Variants in DHX9 observed in about 807,000 individuals in gnomAD.
DHX9 encodes DExH-box helicase 9, also known as ATP-dependent RNA helicase A.
In DHX9, 27 loss-of-function variants were observed where a neutral mutation model predicts 148.7. The ratio of observed to expected loss-of-function variants is 0.18; its 90% CI spans 0.13 to 0.25. The LOEUF (loss-of-function observed/expected upper bound fraction) is 0.25, where lower values mean the gene tolerates loss of function less well. DHX9 is among the 10% of genes least tolerant of loss of function. The pLI, the probability that DHX9 is intolerant of heterozygous loss-of-function variation, is 1.00. For synonymous variants in DHX9, 529 were observed against 516.6 expected (o/e 1.02, Z -0.33); for missense variants, 796 against 1,559.6 (o/e 0.51, Z 8.25).
intron 14 of DHX9, among the ~76,000 whole-genome samples, chr1:182,868,022 A>G (rs533491309): frequency 6.6e-6 from 1 of 152,266 alleles, no homozygotes; most frequent in East Asian, 1.9e-4. Context: ...CCCATCCTGA[A>G]GTTACCCAGG....
rs1182272666 is a variant in DHX9, at chr1:182,866,433, T to G, written c.1333-11T>G. The G allele has an allele frequency of 2.5e-6, 4 of 1,610,800 alleles. No individual in the cohort carries two copies. In the African/African-American group the frequency reaches 4.0e-5, roughly 16 times the overall value. Reference sequence around the variant, plus strand: ...TAGTTGTTAAGTCACTTTTCTTTTTTTCTGTCTCAGCCCAGAAGAATCAGT... The same window carrying G: ...TAGTTGTTAAGTCACTTTTCTTTTTGTCTGTCTCAGCCCAGAAGAATCAGT... On this transcript the variant is annotated splice_polypyrimidine_tract_variant and intron_variant, in intron 12 of 27. Transcript: ENST00000367549.
At chr1:182,882,945 T>C (rs923201314) in intron 24 of DHX9, among the ~76,000 whole-genome samples, 194 bp from the exon 25 acceptor site, 1 of 152,192 alleles carries the variant, frequency 6.6e-6, no homozygotes, top group African/African-American at 2.4e-5. Context: ...CGTTTTCTTA[T>C]TGTGGAAACT....
intron 24 of DHX9, among the ~76,000 whole-genome samples, chr1:182,882,882 T>C (rs1050524509): frequency 6.7e-6 from 1 of 149,022 alleles, no homozygotes; most frequent in African/African-American, 2.5e-5. Flanking sequence ...AAAAAAAAAG[T>C]AATCACCCCA....
chr1:182,874,806 C>A (rs775721011), intron 15 of DHX9, 48 bp from the exon 16 acceptor site: 1 of 1,371,768 alleles, frequency 7.3e-7, no homozygotes, highest in Non-Finnish European at 1.0e-6. Flanking sequence ...AGGTCTGCTC[C>A]ATTGTGAAAG....
intron 3 of DHX9, among the ~76,000 whole-genome samples, chr1:182,844,424 A>G (rs1242851810): frequency 6.6e-6 from 1 of 152,096 alleles, no homozygotes; most frequent in African/African-American, 2.4e-5. Context: ...TTGGGGCTCA[A>G]TCAAACTCTT....
intron 20 of DHX9, among the ~76,000 whole-genome samples, chr1:182,878,915 T>A (rs1226545661): frequency 6.6e-6 from 1 of 152,232 alleles, no homozygotes; most frequent in Non-Finnish European, 1.5e-5. Context: ...CTACAAAAAG[T>A]CTTGTTGTCG....
intron 27 of DHX9, among the ~76,000 whole-genome samples, chr1:182,885,645 A>G (rs868337280): frequency 1.3e-5 from 2 of 152,226 alleles, no homozygotes; most frequent in African/African-American, 4.8e-5. Flanking sequence ...ATCTATCTGT[A>G]AGATGGGTAG....
rs1648324261 is a variant in DHX9, at chr1:182,867,058, A to AGGT, written c.1557+16_1557+18dup. 1 of 1,440,702 alleles carries AGGT rather than the reference A, an allele frequency of 6.9e-7. No homozygotes were observed. 89.2% of individuals were successfully genotyped at this position (1,440,702 alleles called of 1,614,324 possible). ...GAGATATTAATGTAAGTAACTTGAG[A>AGGT]GGTACAGTAAGGTACTTAATTCTGC... On this transcript the variant is annotated intron_variant, in intron 14 of 27. Coordinates refer to ENST00000367549, the MANE Select transcript of DHX9 (RefSeq NM_001357.5).
chr1:182,843,431 T>C lies in DHX9; in HGVS notation c.249T>C (p.Phe83=), dbSNP rs200981009. The C allele has an allele frequency of 7.7e-5, 123 of 1,598,292 alleles. No individual in the cohort carries two copies. The African/African-American group carries it at 1.6e-3, about 21-fold the overall frequency. Residue 83 remains phenylalanine (F), a synonymous_variant, in exon 3 of 28, where the codon TTT becomes TTC. Coordinates refer to ENST00000367549, the MANE Select transcript of DHX9 (RefSeq NM_001357.5). ...TAAAGAGTGAAGAAGTTCCAGCTTTTGGGGTAAGTACCTATGGCGAAGCAC... is the reference window on the plus strand; with the variant it reads ...TAAAGAGTGAAGAAGTTCCAGCTTTCGGGGTAAGTACCTATGGCGAAGCAC... ...NEIKSEEVPA[F]GVASPPPLTD...
chr1:182,866,236 C>T (rs1422927708), intron 12 of DHX9, among the ~76,000 whole-genome samples: 2 of 152,278 alleles, frequency 1.3e-5, no homozygotes, highest in East Asian at 1.9e-4. Context: ...GCGGCAATGA[C>T]AAATTATAGA....
chr1:182,858,652 G>T lies in DHX9; in HGVS notation c.900+12G>T. The T allele has an allele frequency of 6.2e-7, 1 of 1,609,654 alleles. No homozygotes were observed. Among genetic ancestry groups the T allele is most frequent in the South Asian group, 1.1e-5 (1 of 90,892 alleles). The stretch of plus-strand genomic sequence containing the variant: ...AGATTTTGCCCCCGGTAAGCATAAA[G>T]CTGTTTAGTTCACATTTACGTAGAA... On this transcript the variant is annotated intron_variant, in intron 9 of 27. Transcript: ENST00000367549.
intron 3 of DHX9, among the ~76,000 whole-genome samples, chr1:182,851,218 CACA>C (rs1439373449): frequency 2.0e-5 from 3 of 152,074 alleles, no homozygotes; most frequent in South Asian, 4.1e-4. Context: ...GTACTAATAA[CACA>C]ACATTAGACA....
chr1:182,887,511 A>G lies in DHX9; in HGVS notation c.*77A>G. The G allele has an allele frequency of 6.0e-6, 8 of 1,333,368 alleles. No homozygotes were observed. The highest frequency in any genetic ancestry group is 6.2e-6 in the Non-Finnish European group (6 of 974,050). The allele number at this position is 1,333,368 out of a possible 1,614,324, so 82.6% of individuals were successfully genotyped here. A position where few individuals can be genotyped will look rare whatever the true frequency, so the allele number is the denominator to read the frequency against. On this transcript the variant is annotated 3_prime_UTR_variant, in exon 28 of 28. Coordinates refer to ENST00000367549, the MANE Select transcript of DHX9 (RefSeq NM_001357.5). ...CTATGTGTTACGTGTTTTTTCCAGT[A>G]TGTTTATTTGCCACCAAAAAGTAAA...
intron 3 of DHX9, among the ~76,000 whole-genome samples, chr1:182,851,629 A>G (rs990608501): frequency 1.3e-5 from 2 of 152,138 alleles, no homozygotes; most frequent in East Asian, 3.8e-4. Context: ...TCAGTTCTTC[A>G]TCCTAAAACC....
intron 22 of DHX9, among the ~76,000 whole-genome samples, chr1:182,880,912 C>T (rs968944473): frequency 5.9e-5 from 9 of 151,936 alleles, no homozygotes; most frequent in Non-Finnish European, 1.3e-4. Context: ...GTGGGAGGGT[C>T]CCTTGTTATT....
At chr1:182,854,272 T>A in intron 6 of DHX9, 94 bp downstream of exon 6, 1 of 1,162,234 alleles carries the variant, frequency 8.6e-7, no homozygotes, top group Non-Finnish European at 1.2e-6. Flanking sequence ...GTTGTCTGGT[T>A]AATTGTGTGG....
chr1:182,873,046 C>T (rs565304855), intron 15 of DHX9, among the ~76,000 whole-genome samples: 1 of 152,184 alleles, frequency 6.6e-6, no homozygotes, highest in Admixed American at 6.5e-5. Flanking sequence ...ACCTCTGGCT[C>T]CCAGGCTCAA....
In DHX9 at chr1:182,876,911, A is replaced by G; in HGVS notation, c.2198+8A>G. The G allele has an allele frequency of 6.2e-7, 1 of 1,605,228 alleles. No individual in the cohort carries two copies. Among genetic ancestry groups the G allele is most frequent in the Non-Finnish European group, 8.5e-7 (1 of 1,173,044 alleles). On this transcript the variant is annotated splice_region_variant and intron_variant, in intron 19 of 27. Transcript: ENST00000367549. ...TGTCATTGACTCCTGCAAGTAAGTT[A>G]CTGGGAAACCTATTTGTCTGCTCCA...
In DHX9 at chr1:182,854,100, C is replaced by G. The variant is rs373989821; in HGVS notation, c.548C>G (p.Ala183Gly). The G allele has an allele frequency of 4.3e-6, 7 of 1,613,496 alleles. No individual in the cohort carries two copies. Among genetic ancestry groups the G allele is most frequent in the Non-Finnish European group, 5.1e-6 (6 of 1,179,812 alleles). ...AACTGGACCTTGGAAAATGCTAAAGCTCGTCTAAACCAATATTTTCAGAAA... is the reference window on the plus strand; with the variant it reads ...AACTGGACCTTGGAAAATGCTAAAGGTCGTCTAAACCAATATTTTCAGAAA... ...HGNWTLENAK[A>G]RLNQYFQKEK... The change falls in exon 6 of 28, where the codon GCT becomes GGT. Residue 183 changes from alanine to glycine, a missense_variant. Physicochemically the swap from Ala to Gly is moderately conservative, Grantham distance 60. This residue lies in a region of DHX9 where 46 missense variants were observed against 136.3 expected (regional missense o/e 0.34). Coordinates refer to ENST00000367549, the MANE Select transcript of DHX9 (RefSeq NM_001357.5).
Sources: gnomAD v4.1 joint callset for allele counts (sites outside exome capture counted in the v4.1 genomes callset) on GRCh38, gnomAD v4.1.1 for gene constraint, gnomAD v4.1.1 regional missense constraint, MANE v1.5 for transcripts, NCBI Gene and HGNC (gene_info 2026-07-23, HGNC 2026-07-21) for gene names.